Variants in GRAMD4 observed in about 807,000 individuals in gnomAD.
GRAMD4 encodes the protein GRAM domain-containing protein 4.
A neutral mutation model predicts 83.9 loss-of-function variants in GRAMD4; 25 were observed. The observed-to-expected ratio is 0.30, with a 90% confidence interval of 0.22 to 0.42. GRAMD4 has a LOEUF of 0.42. GRAMD4 is among the 10% of genes least tolerant of loss of function. The pLI is 1.00. For synonymous variants in GRAMD4, 336 were observed against 320.9 expected, an observed-to-expected ratio of 1.05 and a Z score of -0.50; for missense variants, 593 against 788.7, an observed-to-expected ratio of 0.75 and a Z score of 2.97.
chr22:46,581,440 A>C (rs932321473), intron 1 of GRAMD4, among the ~76,000 whole-genome samples: 13 of 152,220 alleles, frequency 8.5e-5, no homozygotes, highest in African/African-American at 3.1e-4. Flanking sequence ...TGGGATTTGC[A>C]CGTGGGTGGC....
chr22:46,629,374 G>A (rs1418640265), intron 2 of GRAMD4, among the ~76,000 whole-genome samples: 1 of 152,166 alleles, frequency 6.6e-6, no homozygotes, highest in Non-Finnish European at 1.5e-5. Flanking sequence ...TAGCTTGGAG[G>A]GAGTTGTAAT....
At chr22:46,680,825 T>G (rs1459506256), downstream of GRAMD4, among the ~76,000 whole-genome samples, 1 of 92,546 alleles carries the variant, frequency 1.1e-5, no homozygotes, top group Non-Finnish European at 2.0e-5. Flanking sequence ...CATCCATCCA[T>G]CCATCCATCC....
chr22:46,581,576 T>G (rs2081099113), intron 1 of GRAMD4, among the ~76,000 whole-genome samples: 1 of 152,276 alleles, frequency 6.6e-6, no homozygotes, highest in Non-Finnish European at 1.5e-5. Context: ...ACTTCTCTTT[T>G]TGCTGTCAAA....
chr22:46,597,138 C>T (rs774798812), intron 1 of GRAMD4, among the ~76,000 whole-genome samples: 2 of 152,168 alleles, frequency 1.3e-5, no homozygotes, highest in Non-Finnish European at 2.9e-5. Context: ...TCAGCAGGAG[C>T]GAGAGGTTTC....
rs938823609 is a variant in GRAMD4 at position 46,590,029 on chromosome 22, C to T, written c.-50+12739C>T. On this transcript the variant is annotated intron_variant, in intron 1 of 1. Coordinates refer to the GRAMD4 transcript ENST00000431155. ...TCCTGTAACTCCCACGGCAGTCTTGCAGGATGGGTCCTGGCCTGGTTGGGA... is the reference window on the plus strand; with the variant it reads ...TCCTGTAACTCCCACGGCAGTCTTGTAGGATGGGTCCTGGCCTGGTTGGGA... 1.3e-3 allele frequency among the ~76,000 whole-genome samples: 199 copies of T among 152,360 alleles called. 2 individuals carry two copies. The highest frequency in any genetic ancestry group is 4.4e-3 in the African/African-American group (182 of 41,586).
intron 1 of GRAMD4, among the ~76,000 whole-genome samples, chr22:46,597,601 C>T (rs567505072): frequency 1.4e-3 from 205 of 151,480 alleles, no homozygotes; most frequent in South Asian, 3.6e-3. Context: ...ACCATTCTCC[C>T]GCCTCAGCCT....
chr22:46,629,825 C>T (rs537989378), intron 2 of GRAMD4, among the ~76,000 whole-genome samples: 29 of 152,288 alleles, frequency 1.9e-4, no homozygotes, highest in Admixed American at 5.9e-4. Context: ...CCTTGGCCAC[C>T]GGCCCCACCA....
chr22:46,606,017 T>TGGCTGG (rs1569256065), intron 1 of GRAMD4, among the ~76,000 whole-genome samples: 12 of 7,806 alleles, frequency 1.5e-3, no homozygotes, highest in Non-Finnish European at 4.4e-3. Flanking sequence ...CATGGGTTTA[T>TGGCTGG]TGACCAGTGC....
At chr22:46,594,141 C>T (rs2081237120) in intron 1 of GRAMD4, among the ~76,000 whole-genome samples, 1 of 151,554 alleles carries the variant, frequency 6.6e-6, no homozygotes, top group South Asian at 2.1e-4. Context: ...CAGCCCCACC[C>T]CAGCATCCCG....
At chr22:46,594,586 G>A (rs986656908) in intron 1 of GRAMD4, among the ~76,000 whole-genome samples, 3 of 30,568 alleles carry the variant, frequency 9.8e-5, no homozygotes, top group African/African-American at 6.0e-4. Flanking sequence ...CTGGTTGGGT[G>A]GGGGGGGTTA....
chr22:46,578,654 G>A (rs551090713), intron 1 of GRAMD4, among the ~76,000 whole-genome samples: 199 of 152,308 alleles, frequency 1.3e-3, no homozygotes, highest in African/African-American at 4.6e-3. Flanking sequence ...CAGGGTGTGT[G>A]TTCAGTTGCT....
intron 1 of GRAMD4, among the ~76,000 whole-genome samples, chr22:46,578,642 G>T (rs1365047443): frequency 6.6e-6 from 1 of 152,092 alleles, no homozygotes; most frequent in Non-Finnish European, 1.5e-5. Flanking sequence ...GCACAGTCTG[G>T]CCAGGGTGTG....
rs75305456 is a variant in GRAMD4 at position 46,602,364 on chromosome 22, G to A, written c.-49-24387G>A. ...CTCTTTGCCAGTCTTTTGGGGAAGT[G>A]GTTTCCCAAGGCAATTTAGTTTGTA... On this transcript the variant is annotated intron_variant, in intron 1 of 1. Transcript: ENST00000431155. 4.6e-3 allele frequency among the ~76,000 whole-genome samples: 706 copies of A among 152,320 alleles called. 4 individuals carry two copies. The highest frequency in any genetic ancestry group is 0.015 in the African/African-American group (629 of 41,574).
chr22:46,591,294 G>A (rs542513672), intron 1 of GRAMD4, among the ~76,000 whole-genome samples: 1 of 151,830 alleles, frequency 6.6e-6, no homozygotes, highest in South Asian at 2.1e-4. Context: ...AGAGGGGGAG[G>A]ATTGCGTGAG....
chr22:46,627,884 A>G (rs1004220787), intron 2 of GRAMD4, among the ~76,000 whole-genome samples: 7 of 152,218 alleles, frequency 4.6e-5, no homozygotes, highest in Non-Finnish European at 1.0e-4. Context: ...GGGCATCACT[A>G]CAGACCACAG....
At chr22:46,663,320 T>G (rs1219058604) in intron 6 of GRAMD4, 148 bp downstream of exon 6, 5 of 784,326 alleles carry the variant, frequency 6.4e-6, no homozygotes, top group Non-Finnish European at 1.0e-5. Flanking sequence ...CTGTGTCTGG[T>G]CTTCTGGGGG....
intron 1 of GRAMD4, among the ~76,000 whole-genome samples, chr22:46,600,603 A>C (rs905098278): frequency 3.3e-5 from 5 of 152,134 alleles, no homozygotes; most frequent in Non-Finnish European, 5.9e-5. Context: ...GCAGGCATGG[A>C]GGAGACAGCG....
rs538384629 is a variant in GRAMD4 at position 46,589,342 on chromosome 22, G to C, written c.-50+12052G>C. 5.3e-4 allele frequency among the ~76,000 whole-genome samples: 68 copies of C among 129,484 alleles called. 1 individual carries two copies. The highest frequency in any genetic ancestry group is 2.8e-3 in the Admixed American group (37 of 13,016). 84.9% of individuals were successfully genotyped at this position (129,484 alleles called of 152,430 possible). A position where few individuals can be genotyped will look rare whatever the true frequency, so the allele number is the denominator to read the frequency against. On this transcript the variant is annotated intron_variant, in intron 1 of 1. Transcript: ENST00000431155. Reference sequence around the variant, plus strand: ...TGGGGGAGCCCTGGGTGTGGGGGCAGCTCTGATATGTGGGGGAGTCCTGGG... The same window carrying C: ...TGGGGGAGCCCTGGGTGTGGGGGCACCTCTGATATGTGGGGGAGTCCTGGG...
chr22:46,664,256 C>G, intron 8 of GRAMD4, 139 bp downstream of exon 8: 1 of 687,286 alleles, frequency 1.5e-6, no homozygotes, highest in Non-Finnish European at 2.6e-6. Flanking sequence ...GCTCATTTCT[C>G]CTTCTGTAAA....
Sources: allele counts gnomAD v4.1 joint callset (sites outside exome capture counted in the v4.1 genomes callset), GRCh38; gene constraint gnomAD v4.1.1; transcripts MANE v1.5; gene names NCBI Gene and HGNC (gene_info 2026-07-23, HGNC 2026-07-21).